Variants in ELP4 observed in about 807,000 individuals in gnomAD.
ELP4 encodes the protein elongator acetyltransferase complex subunit 4, also known as elongator complex protein 4.
A neutral mutation model predicts 48.9 loss-of-function variants in ELP4; 51 were observed. The observed-to-expected ratio is 1.04, with a 90% confidence interval of 0.83 to 1.32. The LOEUF is 1.32. ELP4 is among the 40% of genes most tolerant of loss of function. The probability of loss-of-function intolerance (pLI) is 0.00; values close to 1 mark genes in which losing one functional copy is unlikely to be tolerated. For synonymous variants in ELP4, 210 were observed against 189.2 expected (o/e 1.11, Z -0.90); for missense variants, 519 against 514.6 (o/e 1.01, Z -0.08).
intron 5 of ELP4, among the ~76,000 whole-genome samples, chr11:31,613,854 G>A (rs766375571): frequency 3.3e-5 from 5 of 151,086 alleles, no homozygotes; most frequent in African/African-American, 7.3e-5. Context: ...GATTACAGGC[G>A]CACACCACCA....
chr11:31,722,891 G>C (rs1253670055), intron 9 of ELP4, among the ~76,000 whole-genome samples: 1 of 152,152 alleles, frequency 6.6e-6, no homozygotes, highest in Non-Finnish European at 1.5e-5. Context: ...TTTTGCTCTT[G>C]CCAGCCACTG....
intron 9 of ELP4, among the ~76,000 whole-genome samples, chr11:31,778,015 C>T (rs370155258): frequency 3.9e-5 from 6 of 152,096 alleles, no homozygotes; most frequent in Admixed American, 2.0e-4. Flanking sequence ...AATAGGATGG[C>T]GTGCCTTTTG....
intron 2 of ELP4, among the ~76,000 whole-genome samples, chr11:31,527,556 C>T (rs987125672): frequency 3.3e-5 from 5 of 151,990 alleles, no homozygotes; most frequent in Non-Finnish European, 5.9e-5. Flanking sequence ...CTGAGTGATA[C>T]GCTTGTCTCT....
At chr11:31,604,984 T>G (rs1008040343) in intron 5 of ELP4, among the ~76,000 whole-genome samples, 4 of 152,054 alleles carry the variant, frequency 2.6e-5, no homozygotes, top group East Asian at 1.9e-4. Context: ...AGTACTAATA[T>G]GCAGAAGTAT....
At chr11:31,715,012 T>C (rs1385863555) in intron 9 of ELP4, 11 of 390,118 alleles carry the variant, frequency 2.8e-5, no homozygotes, top group Non-Finnish European at 5.0e-5. Context: ...AGGACTGTTA[T>C]TCTGCCTACC....
chr11:31,553,704 A>G (rs918660789), intron 3 of ELP4, among the ~76,000 whole-genome samples: 3 of 145,908 alleles, frequency 2.1e-5, no homozygotes, highest in Non-Finnish European at 3.0e-5. Flanking sequence ...GTTTCTTACA[A>G]TAAATCTCTT....
chr11:31,682,036 C>T (rs940993197), intron 9 of ELP4: 16 of 1,290,232 alleles, frequency 1.2e-5, no homozygotes, highest in African/African-American at 6.2e-5. Context: ...CTACCGCGCC[C>T]GGCCTAGGGC....
chr11:31,618,208 A>C (rs1320072971), intron 5 of ELP4, among the ~76,000 whole-genome samples: 1 of 152,126 alleles, frequency 6.6e-6, no homozygotes, highest in Non-Finnish European at 1.5e-5. Flanking sequence ...CATTATAGTA[A>C]GTGAGAGAAA....
rs988009381 is a variant in ELP4, at chr11:31,788,561, A to G, written c.*5037A>G. Reference sequence around the variant, plus strand: ...ATACTTCAGTGAAATCATTGTTGAAATAGGCTGACAATGGAAATCTGCCCA... The same window carrying G: ...ATACTTCAGTGAAATCATTGTTGAAGTAGGCTGACAATGGAAATCTGCCCA... On this transcript the variant is annotated 3_prime_UTR_variant, in exon 10 of 10. Coordinates refer to ENST00000640961, the MANE Select transcript of ELP4 (RefSeq NM_019040.5). 1 of 222,434 alleles carries G rather than the reference A, an allele frequency of 4.5e-6. No homozygotes were observed. The highest frequency in any genetic ancestry group is 9.0e-6 in the Non-Finnish European group (1 of 111,226). The allele number at this position is 222,434 out of a possible 1,614,324, so 13.8% of individuals were successfully genotyped here.
At chr11:31,604,382 A>G (rs1226145703) in intron 5 of ELP4, among the ~76,000 whole-genome samples, 1 of 151,814 alleles carries the variant, frequency 6.6e-6, no homozygotes. Context: ...AAGGCTTTCT[A>G]TTTCTGGCTC....
At chr11:31,693,125 G>T (rs994348271) in intron 9 of ELP4, among the ~76,000 whole-genome samples, 8 of 151,956 alleles carry the variant, frequency 5.3e-5, no homozygotes, top group African/African-American at 1.7e-4. Flanking sequence ...AAGGAGTAAC[G>T]TGCTGAATGG....
intron 9 of ELP4, among the ~76,000 whole-genome samples, chr11:31,747,722 G>T (rs1237700357): frequency 2.0e-5 from 3 of 152,210 alleles, no homozygotes; most frequent in Non-Finnish European, 2.9e-5. Context: ...AGCAGCAGTG[G>T]TTTTAAATAT....
At chr11:31,537,908 C>T (rs1369255523) in intron 2 of ELP4, among the ~76,000 whole-genome samples, 1 of 152,100 alleles carries the variant, frequency 6.6e-6, no homozygotes, top group Non-Finnish European at 1.5e-5. Context: ...TCAGTTTCTC[C>T]AAAAAGCTTA....
At chr11:31,653,772 C>T (rs945924320) in intron 9 of ELP4, 1 of 151,712 alleles carries the variant, frequency 6.6e-6, no homozygotes, top group African/African-American at 2.4e-5. Flanking sequence ...TTCTTAGTTA[C>T]GTGTAAGATA....
intron 6 of ELP4, among the ~76,000 whole-genome samples, chr11:31,627,423 A>G (rs1319371858): frequency 6.6e-6 from 1 of 152,018 alleles, no homozygotes; most frequent in Non-Finnish European, 1.5e-5. Flanking sequence ...ACATACACAT[A>G]CTTTATCAAC....
chr11:31,571,194 T>C (rs751222991), intron 3 of ELP4, among the ~76,000 whole-genome samples: 1 of 152,218 alleles, frequency 6.6e-6, no homozygotes, highest in Non-Finnish European at 1.5e-5. Context: ...CCCCTCAAAC[T>C]CTACCATTGC....
chr11:31,608,499 C>G (rs868829388), intron 5 of ELP4, among the ~76,000 whole-genome samples: 1 of 148,500 alleles, frequency 6.7e-6, no homozygotes, highest in South Asian at 2.1e-4. Context: ...GGTCTTTTAA[C>G]TGTATTTTGA....
chr11:31,621,145 A>G (rs920388273), intron 5 of ELP4, among the ~76,000 whole-genome samples: 1 of 151,996 alleles, frequency 6.6e-6, no homozygotes, highest in Non-Finnish European at 1.5e-5. Flanking sequence ...TATTTTGCCT[A>G]CTGCCTTACA....
At chr11:31,589,076 A>G (rs1301407441) in intron 3 of ELP4, among the ~76,000 whole-genome samples, 8 of 152,320 alleles carry the variant, frequency 5.3e-5, no homozygotes, top group South Asian at 2.1e-4. Flanking sequence ...CATAATAGGG[A>G]TAGAGAAAGA....
Sources: allele counts gnomAD v4.1 joint callset (sites outside exome capture counted in the v4.1 genomes callset), GRCh38; gene constraint gnomAD v4.1.1; transcripts MANE v1.5; gene names NCBI Gene and HGNC (gene_info 2026-07-23, HGNC 2026-07-21).